Variants in TFDP2 observed in about 807,000 individuals in gnomAD.
TFDP2 encodes the protein transcription factor Dp-2 (E2F dimerization partner 2).
Under a neutral mutation model 59.3 loss-of-function variants are expected in TFDP2, and 17 were observed. The ratio of observed to expected loss-of-function variants is 0.29; its 90% CI spans 0.20 to 0.43. The LOEUF is 0.43. TFDP2 is among the 20% of genes least tolerant of loss of function. The probability of loss-of-function intolerance (pLI) is 1.00; values close to 1 mark genes in which losing one functional copy is unlikely to be tolerated. For synonymous variants in TFDP2, 180 were observed against 194.7 expected (o/e 0.92, Z 0.63); for missense variants, 391 against 528.8 (o/e 0.74, Z 2.56).
Position 141,952,495 on chromosome 3 carries a change from G to A in TFDP2, c.*18C>T, listed in dbSNP as rs1434896403. 13 of 1,510,726 alleles carry A rather than the reference G, an allele frequency of 8.6e-6. No homozygotes were observed. The highest frequency in any genetic ancestry group is 2.8e-5 in the African/African-American group (2 of 70,516). The allele number at this position is 1,510,726 out of a possible 1,614,324, so 93.6% of individuals were successfully genotyped here. On this transcript the variant is annotated 3_prime_UTR_variant, in exon 13 of 13. Transcript: ENST00000489671. The stretch of plus-strand genomic sequence containing the variant: ...ACACATGAGCATCACATATTGAAAC[G>A]TAGGCTTTCTCTTGTCTTTATTCTG...
chr3:142,080,017 G>A (rs554346666), intron 3 of TFDP2, among the ~76,000 whole-genome samples: 1 of 152,304 alleles, frequency 6.6e-6, no homozygotes, highest in East Asian at 1.9e-4. Flanking sequence ...AGGCTGGAGT[G>A]CAGTGGCACG....
At chr3:141,983,217 T>C (rs1447982873) in intron 6 of TFDP2, among the ~76,000 whole-genome samples, 1 of 152,208 alleles carries the variant, frequency 6.6e-6, no homozygotes, top group African/African-American at 2.4e-5. Context: ...GATGAGAGAT[T>C]TGGTCCTGCA....
At chr3:141,956,548 T>A in intron 11 of TFDP2, among the ~76,000 whole-genome samples, 1 of 149,476 alleles carries the variant, frequency 6.7e-6, no homozygotes. Context: ...AGAGACTCCA[T>A]CTCAAAAAAA....
At chr3:142,017,237 C>T (rs1028557487) in intron 3 of TFDP2, among the ~76,000 whole-genome samples, 1 of 152,134 alleles carries the variant, frequency 6.6e-6, no homozygotes, top group Non-Finnish European at 1.5e-5. Context: ...TGTCTTGTCA[C>T]TCTCAGAATG....
chr3:141,955,948 C>G (rs1247388426), intron 11 of TFDP2, among the ~76,000 whole-genome samples: 1 of 152,170 alleles, frequency 6.6e-6, no homozygotes, highest in Non-Finnish European at 1.5e-5. Flanking sequence ...ACTGGAATTA[C>G]AGGCATGTGT....
chr3:142,029,134 C>T (rs1262634638), intron 3 of TFDP2: 1 of 152,536 alleles, frequency 6.6e-6, no homozygotes, highest in South Asian at 2.1e-4. Flanking sequence ...ATCTTGAAAG[C>T]AGAGCAAAAG....
intron 3 of TFDP2, among the ~76,000 whole-genome samples, chr3:142,055,432 C>G (rs770419802): frequency 1.3e-5 from 2 of 152,204 alleles, no homozygotes; most frequent in East Asian, 3.9e-4. Context: ...AAAACAGGCA[C>G]TCTGCTAGGC....
intron 3 of TFDP2, among the ~76,000 whole-genome samples, chr3:142,043,237 C>G (rs1414351642): frequency 6.8e-6 from 1 of 147,180 alleles, no homozygotes; most frequent in East Asian, 2.1e-4. Context: ...TTAGTAGAGA[C>G]GGGGTTTCAC....
At chr3:141,994,820 CTGTT>C in intron 5 of TFDP2, 196 bp downstream of exon 5, 1 of 429,724 alleles carries the variant, frequency 2.3e-6, no homozygotes, top group Non-Finnish European at 4.0e-6. Flanking sequence ...AGTTATTGCA[CTGTT>C]TTTTTCTGTT....
intron 1 of TFDP2, among the ~76,000 whole-genome samples, chr3:142,129,536 T>C (rs569455104): frequency 6.6e-6 from 1 of 151,868 alleles, no homozygotes; most frequent in East Asian, 1.9e-4. Context: ...TGGGGGAAAA[T>C]ATTTGCAAAT....
At chr3:142,054,324 C>G (rs2108497761) in intron 3 of TFDP2, among the ~76,000 whole-genome samples, 1 of 152,286 alleles carries the variant, frequency 6.6e-6, no homozygotes, top group East Asian at 1.9e-4. Context: ...AAAAGAACTA[C>G]TGATTCACAC....
intron 3 of TFDP2, among the ~76,000 whole-genome samples, chr3:142,077,310 G>A (rs2060491231): frequency 6.6e-6 from 1 of 152,158 alleles, no homozygotes; most frequent in Non-Finnish European, 1.5e-5. Flanking sequence ...CAGAGCCAGT[G>A]GACATCGGGG....
chr3:141,984,665 T>C (rs1436310500), intron 6 of TFDP2, among the ~76,000 whole-genome samples: 1 of 152,132 alleles, frequency 6.6e-6, no homozygotes, highest in East Asian at 1.9e-4. Flanking sequence ...AGATGGATAG[T>C]GGTGATAGTT....
At chr3:142,039,922 T>TA (rs1281877223) in intron 3 of TFDP2, among the ~76,000 whole-genome samples, 2 of 152,108 alleles carry the variant, frequency 1.3e-5, no homozygotes, top group African/African-American at 2.4e-5. Context: ...ACACTGAACA[T>TA]AATGATACCA....
intron 1 of TFDP2, among the ~76,000 whole-genome samples, chr3:142,112,896 A>C (rs2061709891): frequency 1.3e-5 from 2 of 152,194 alleles, no homozygotes; most frequent in Admixed American, 6.5e-5. Flanking sequence ...ATATTAACAG[A>C]TTATCAATAT....
chr3:142,058,759 C>T (rs535740940), intron 3 of TFDP2, among the ~76,000 whole-genome samples: 2 of 152,272 alleles, frequency 1.3e-5, no homozygotes, highest in African/African-American at 4.8e-5. Flanking sequence ...CCTCCCAGTA[C>T]CTCACTGTGT....
At chr3:141,999,949 A>T (rs1435951725) in intron 4 of TFDP2, among the ~76,000 whole-genome samples, 1 of 152,084 alleles carries the variant, frequency 6.6e-6, no homozygotes, top group Admixed American at 6.6e-5. Context: ...GTTAGCCAGG[A>T]TGGTCTCGAT....
intron 3 of TFDP2, among the ~76,000 whole-genome samples, chr3:142,057,029 AGAG>A (rs1321925993): frequency 2.0e-5 from 3 of 152,254 alleles, no homozygotes; most frequent in African/African-American, 4.8e-5. Flanking sequence ...CCTGCTGATT[AGAG>A]GAGAACTGTG....
chr3:142,015,485 T>C (rs1283931099), intron 3 of TFDP2, among the ~76,000 whole-genome samples: 4 of 152,222 alleles, frequency 2.6e-5, no homozygotes, highest in Non-Finnish European at 5.9e-5. Flanking sequence ...AAGATTACTG[T>C]TGAGACCTCA....
Sources: gnomAD v4.1 joint callset for allele counts (sites outside exome capture counted in the v4.1 genomes callset) on GRCh38, gnomAD v4.1.1 for gene constraint, MANE v1.5 for transcripts, NCBI Gene and HGNC (gene_info 2026-07-23, HGNC 2026-07-21) for gene names.